The following VIT variants were observed in gnomAD, a reference collection of about 807,000 sequenced individuals.
The protein encoded by VIT is vitrin.
A neutral mutation model predicts 78.0 loss-of-function variants in VIT; 99 were observed. That is an observed-to-expected ratio of 1.27 (90% CI 1.08 to 1.50). The LOEUF is 1.50. Ranked by LOEUF, VIT falls within the 40% of genes most tolerant of loss-of-function variation. The pLI is 0.00. For synonymous variants in VIT, 374 were observed against 334.3 expected, an observed-to-expected ratio of 1.12 and a Z score of -1.29; for missense variants, 1,126 against 875.3, an observed-to-expected ratio of 1.29 and a Z score of -3.61.
At chr2:36,794,406 T>C (rs892831585) in intron 12 of VIT, among the ~76,000 whole-genome samples, 2 of 152,206 alleles carry the variant, frequency 1.3e-5, no homozygotes, top group African/African-American at 4.8e-5. Flanking sequence ...TGCATAAAAA[T>C]TTAGTGGCAT....
At chr2:36,763,362 A>C (rs1470922463) in intron 6 of VIT, among the ~76,000 whole-genome samples, 4 of 152,216 alleles carry the variant, frequency 2.6e-5, no homozygotes, top group Admixed American at 2.6e-4. Flanking sequence ...GTAGAGTTTA[A>C]GGGAAGTTTT....
At chr2:36,705,779 T>C (rs1297311308) in intron 1 of VIT, among the ~76,000 whole-genome samples, 1 of 152,234 alleles carries the variant, frequency 6.6e-6, no homozygotes, top group Non-Finnish European at 1.5e-5. Flanking sequence ...AACGTTCTCA[T>C]AAATACATCG....
chr2:36,769,482 G>A (rs1427993896), intron 7 of VIT, among the ~76,000 whole-genome samples: 3 of 152,114 alleles, frequency 2.0e-5, no homozygotes, highest in Non-Finnish European at 4.4e-5. Flanking sequence ...CTTCTATGGT[G>A]ATCCACAGAC....
intron 6 of VIT, among the ~76,000 whole-genome samples, chr2:36,765,860 A>G (rs1394387686): frequency 6.6e-6 from 1 of 152,208 alleles, no homozygotes; most frequent in Non-Finnish European, 1.5e-5. Context: ...GAGAGAATAA[A>G]TTTCTGTCAT....
chr2:36,804,091 GA>G (rs1402582373), intron 13 of VIT, among the ~76,000 whole-genome samples: 1 of 152,206 alleles, frequency 6.6e-6, no homozygotes, highest in Non-Finnish European at 1.5e-5. Flanking sequence ...AAAATTTCCT[GA>G]AGCCCTTCTC....
At position 36,787,966 on chromosome 2, in the gene VIT, C is replaced by T. The variant is rs902679511; in HGVS notation, c.1058+690C>T. ...CATCCAGTCTCAATCTTTCATTTGG[C>T]GGTAATAAATCACTCTTATTTCAGA... On this transcript the variant is annotated intron_variant, in intron 12 of 15. Transcript: ENST00000379242. The T allele has an allele frequency of 9.5e-5, 31 of 325,544 alleles. 1 individual carries two copies. The highest frequency in any genetic ancestry group is 4.8e-4 in the South Asian group (20 of 41,598). The allele number at this position is 325,544 out of a possible 1,614,324, so 20.2% of individuals were successfully genotyped here.
intron 9 of VIT, among the ~76,000 whole-genome samples, chr2:36,778,004 T>A (rs1382668228): frequency 6.6e-6 from 1 of 152,138 alleles, no homozygotes; most frequent in Non-Finnish European, 1.5e-5. Flanking sequence ...ACACCAGGTG[T>A]CACCCATGAG....
intron 2 of VIT, among the ~76,000 whole-genome samples, chr2:36,727,675 A>G (rs1293900969): frequency 6.6e-6 from 1 of 152,216 alleles, no homozygotes; most frequent in Non-Finnish European, 1.5e-5. Context: ...TAATACAGTC[A>G]TCCACTTCAT....
At chr2:36,723,887 G>A (rs549661059) in intron 2 of VIT, among the ~76,000 whole-genome samples, 1 of 147,058 alleles carries the variant, frequency 6.8e-6, no homozygotes, top group African/African-American at 2.5e-5. Flanking sequence ...GGAGTTCAAG[G>A]TAGCAGTACG....
chr2:36,812,104 C>T (rs1667215246), intron 15 of VIT, among the ~76,000 whole-genome samples: 1 of 152,192 alleles, frequency 6.6e-6, no homozygotes, highest in South Asian at 2.1e-4. Context: ...TGACACCTGG[C>T]AGCACTTTAA....
At chr2:36,737,196 G>C (rs1375104836) in intron 3 of VIT, among the ~76,000 whole-genome samples, 2 of 152,148 alleles carry the variant, frequency 1.3e-5, no homozygotes, top group Admixed American at 6.5e-5. Context: ...GGTTGGGAAA[G>C]GGCTTTCTAG....
At chr2:36,772,000 T>C (rs1021197518) in intron 7 of VIT, among the ~76,000 whole-genome samples, 2 of 152,214 alleles carry the variant, frequency 1.3e-5, no homozygotes, top group Admixed American at 6.5e-5. Context: ...TATGCCAGAA[T>C]TGTATACCAG....
In VIT at chr2:36,699,529, T is replaced by TAC. The variant is rs1553357642; in HGVS notation, c.-19+2564_-19+2565dup. ...AATTAGAGGGGGTTATATATATATA[T>TAC]ACACACACATATATATAGATGTCTC... On this transcript the variant is annotated intron_variant, in intron 1 of 15. Transcript: ENST00000379242. Among the ~76,000 whole-genome samples, 65 of 151,664 alleles carry TAC rather than the reference T, an allele frequency of 4.3e-4. 1 individual carries two copies. The South Asian group carries it at 0.013, about 30-fold the overall frequency.
chr2:36,785,681 T>A (rs1665046660), intron 11 of VIT, among the ~76,000 whole-genome samples: 1 of 152,158 alleles, frequency 6.6e-6, no homozygotes, highest in African/African-American at 2.4e-5. Flanking sequence ...TCTTTTGAGA[T>A]TTGCTACTGA....
intron 3 of VIT, among the ~76,000 whole-genome samples, chr2:36,737,462 C>T (rs1349985605): frequency 6.6e-6 from 1 of 152,230 alleles, no homozygotes; most frequent in African/African-American, 2.4e-5. Flanking sequence ...ATATTCTCCA[C>T]AGGCAGTAGA....
At chr2:36,796,097 G>C (rs1402428901) in intron 12 of VIT, among the ~76,000 whole-genome samples, 1 of 122,664 alleles carries the variant, frequency 8.2e-6, no homozygotes, top group African/African-American at 3.1e-5. Context: ...GAATTCATGA[G>C]ATCATGACTG....
chr2:36,764,367 GGCAATAAT>G (rs1399010942), intron 6 of VIT, among the ~76,000 whole-genome samples: 1 of 152,210 alleles, frequency 6.6e-6, no homozygotes, highest in Admixed American at 6.5e-5. Flanking sequence ...TCCGTAAGGA[GGCAATAAT>G]GCCTGGTAGC....
chr2:36,771,102 A>C (rs1572510300), intron 7 of VIT, among the ~76,000 whole-genome samples: 1 of 152,248 alleles, frequency 6.6e-6, no homozygotes, highest in Non-Finnish European at 1.5e-5. Flanking sequence ...TATTTGGAGA[A>C]GGCTTTTCTT....
intron 3 of VIT, among the ~76,000 whole-genome samples, chr2:36,742,683 C>G (rs1376446431): frequency 6.6e-6 from 1 of 152,064 alleles, no homozygotes; most frequent in African/African-American, 2.4e-5. Flanking sequence ...CTCCAATGCT[C>G]CCACCGTATG....
Sources: allele counts gnomAD v4.1 joint callset (sites outside exome capture counted in the v4.1 genomes callset), GRCh38; gene constraint gnomAD v4.1.1; transcripts MANE v1.5; gene names NCBI Gene and HGNC (gene_info 2026-07-23, HGNC 2026-07-21).